DTNA: variants seen among roughly 807,000 people sequenced by gnomAD.
DTNA encodes dystrobrevin alpha, also known as dystrophin-related protein 3.
In DTNA, 43 loss-of-function variants were observed where a neutral mutation model predicts 100.7. That is an observed-to-expected ratio of 0.43 (90% CI 0.33 to 0.55). DTNA has a LOEUF of 0.55. DTNA is among the 20% of genes least tolerant of loss of function. The pLI, the probability that DTNA is intolerant of heterozygous loss-of-function variation, is 0.04. For synonymous variants in DTNA, 349 were observed against 347.9 expected (o/e 1.00, Z -0.04); for missense variants, 798 against 953.9 (o/e 0.84, Z 2.15).
chr18:34,761,682 G>C (rs1423991684), intron 2 of DTNA, among the ~76,000 whole-genome samples: 2 of 152,212 alleles, frequency 1.3e-5, no homozygotes, highest in African/African-American at 4.8e-5. Flanking sequence ...AGGAGACGGT[G>C]CAAGAGCACT....
chr18:34,638,102 T>C (rs1160645727), intron 1 of DTNA, among the ~76,000 whole-genome samples: 1 of 152,204 alleles, frequency 6.6e-6, no homozygotes, highest in Non-Finnish European at 1.5e-5. Flanking sequence ...AAGTAATGGA[T>C]ACGGATCACA....
intron 1 of DTNA, among the ~76,000 whole-genome samples, chr18:34,566,561 C>G (rs2047106146): frequency 6.6e-6 from 1 of 152,212 alleles, no homozygotes; most frequent in South Asian, 2.1e-4. Flanking sequence ...GACCTGTCTT[C>G]TTTGAAATAT....
chr18:34,673,369 G>A (rs1023310146), intron 1 of DTNA, among the ~76,000 whole-genome samples: 2 of 151,964 alleles, frequency 1.3e-5, no homozygotes, highest in African/African-American at 4.8e-5. Context: ...CGAACTCCTG[G>A]GTTCAAGGGA....
At chr18:34,667,165 A>C (rs1443841197) in intron 1 of DTNA, among the ~76,000 whole-genome samples, 1 of 151,952 alleles carries the variant, frequency 6.6e-6, no homozygotes, top group Non-Finnish European at 1.5e-5. Flanking sequence ...ATTCCTAGGT[A>C]TTTTATTCTC....
At chr18:34,700,720 A>G (rs2146161173) in intron 1 of DTNA, among the ~76,000 whole-genome samples, 1 of 152,294 alleles carries the variant, frequency 6.6e-6, no homozygotes, top group South Asian at 2.1e-4. Flanking sequence ...CTCCATGTCT[A>G]TCCTACTATT....
chr18:34,759,059 CTTTGA>C (rs2092969387), intron 2 of DTNA, among the ~76,000 whole-genome samples: 1 of 152,118 alleles, frequency 6.6e-6, no homozygotes, highest in South Asian at 2.1e-4. Flanking sequence ...TGACCACCTA[CTTTGA>C]TTTAAGAAAT....
chr18:34,535,554 T>C (rs369721999), intron 1 of DTNA, among the ~76,000 whole-genome samples: 12 of 152,282 alleles, frequency 7.9e-5, no homozygotes, highest in African/African-American at 2.4e-4. Flanking sequence ...GTTTTAGTTA[T>C]TAAGTCTTTG....
chr18:34,555,942 G>A lies in DTNA; in HGVS notation c.-2+62428G>A, dbSNP rs954810026. Among the ~76,000 whole-genome samples the A allele has an allele frequency of 1.2e-3, 189 of 151,250 alleles. 1 individual carries two copies. Among genetic ancestry groups the A allele is most frequent in the Non-Finnish European group, 2.2e-3 (150 of 67,578 alleles). On this transcript the variant is annotated intron_variant, in intron 1 of 19. Transcript: ENST00000283365. ...GGTATCCTTGTTGACTTTCTGTCTCGTTGATCTGTCTAATGTTGACAGTGG... is the reference window on the plus strand; with the variant it reads ...GGTATCCTTGTTGACTTTCTGTCTCATTGATCTGTCTAATGTTGACAGTGG...
Position 34,845,943 on chromosome 18 carries a change from G to A in DTNA, c.1347-2353G>A, listed in dbSNP as rs185664878. Among the ~76,000 whole-genome samples the A allele has an allele frequency of 2.5e-3, 375 of 152,166 alleles. 2 individuals carry two copies. The highest frequency in any genetic ancestry group is 4.5e-3 in the Non-Finnish European group (308 of 67,998). ...TATCCTACAATTTTCTGTCTTAAGG[G>A]AATGTTTATAACATATCACACATGC... On this transcript the variant is annotated intron_variant, in intron 13 of 22. Coordinates refer to ENST00000444659, the MANE Select transcript of DTNA (RefSeq NM_001386795.1).
At chr18:34,870,073 T>C (rs1290796522) in intron 17 of DTNA, among the ~76,000 whole-genome samples, 2 of 152,252 alleles carry the variant, frequency 1.3e-5, no homozygotes, top group African/African-American at 2.4e-5. Flanking sequence ...CAGGACTTTT[T>C]TTCAGACTTA....
chr18:34,880,595 G>C (rs2096863172), intron 20 of DTNA, among the ~76,000 whole-genome samples: 1 of 152,150 alleles, frequency 6.6e-6, no homozygotes, highest in Non-Finnish European at 1.5e-5. Flanking sequence ...CTTCAGACTA[G>C]TCTATAAAAA....
rs1167491530 is a variant in DTNA, at chr18:34,669,388, A to G, written c.-1-86588A>G. Among the ~76,000 whole-genome samples, 5 of 152,228 alleles carry G rather than the reference A, an allele frequency of 3.3e-5. No homozygotes were observed. In the East Asian group the frequency reaches 7.7e-4, roughly 24 times the overall value. ...GTCTTGACTCTTTATCCAATTTGCC[A>G]GTCTGTGTCTTTTAATTGGAGTATT... On this transcript the variant is annotated intron_variant, in intron 1 of 19. Transcript: ENST00000283365.
At chr18:34,679,105 G>A (rs936452087) in intron 1 of DTNA, among the ~76,000 whole-genome samples, 3 of 152,096 alleles carry the variant, frequency 2.0e-5, no homozygotes, top group Admixed American at 6.5e-5. Flanking sequence ...GGAAAACAAA[G>A]AAGATTCCAT....
chr18:34,506,455 C>T, intron 1 of DTNA, among the ~76,000 whole-genome samples: 1 of 152,186 alleles, frequency 6.6e-6, no homozygotes. Context: ...TGTCTTGTTA[C>T]AGCTTGGCAA....
rs139586349 is a variant in DTNA, at chr18:34,622,693, G to A, written c.-2+129179G>A. Among the ~76,000 whole-genome samples, 421 of 152,258 alleles carry A rather than the reference G, an allele frequency of 2.8e-3. 1 individual carries two copies. The highest frequency in any genetic ancestry group is 0.014 in the Middle Eastern group (4 of 294). On this transcript the variant is annotated intron_variant, in intron 1 of 19. Coordinates refer to the DTNA transcript ENST00000283365. Reference sequence around the variant, plus strand: ...AGCTGGGTTACACTCTTCCTTTCCTGTCCTTGGACAACAACTCCAGGCTCC... The same window carrying A: ...AGCTGGGTTACACTCTTCCTTTCCTATCCTTGGACAACAACTCCAGGCTCC...
rs555908328 is a variant in DTNA at position 34,556,403 on chromosome 18, T to C, written c.-2+62889T>C. ...TTAATATTGTTATGTGTGAATTTGA[T>C]CCTGTCATTATGATGTTAGCTGGTG... On this transcript the variant is annotated intron_variant, in intron 1 of 19. Coordinates refer to the DTNA transcript ENST00000283365. Among the ~76,000 whole-genome samples, 494 of 152,036 alleles carry C rather than the reference T, an allele frequency of 3.2e-3. 3 individuals are homozygous for C. Among genetic ancestry groups the C allele is most frequent in the African/African-American group, 0.011 (461 of 41,470 alleles).
chr18:34,535,955 T>G (rs181097115), intron 1 of DTNA, among the ~76,000 whole-genome samples: 1 of 152,074 alleles, frequency 6.6e-6, no homozygotes, highest in South Asian at 2.1e-4. Context: ...TCTAATAATT[T>G]CTCTCTCTTC....
At chr18:34,810,612 G>A (rs1287071548) in intron 5 of DTNA, among the ~76,000 whole-genome samples, 2 of 152,106 alleles carry the variant, frequency 1.3e-5, no homozygotes, top group East Asian at 1.9e-4. Flanking sequence ...GGAGGAATAC[G>A]TTCGAGTGTT....
At chr18:34,802,723 A>G (rs1172586555) in intron 4 of DTNA, among the ~76,000 whole-genome samples, 2 of 152,220 alleles carry the variant, frequency 1.3e-5, no homozygotes, top group African/African-American at 4.8e-5. Flanking sequence ...ATAATCTCAC[A>G]GTCTCTATAA....
Sources: allele counts gnomAD v4.1 joint callset (sites outside exome capture counted in the v4.1 genomes callset), GRCh38; gene constraint gnomAD v4.1.1; transcripts MANE v1.5; gene names NCBI Gene and HGNC (gene_info 2026-07-23, HGNC 2026-07-21).